ADARB2: variants seen among roughly 807,000 people sequenced by gnomAD.
The protein encoded by ADARB2 is adenosine deaminase RNA specific B2 (inactive).
In ADARB2, 25 loss-of-function variants were observed where a neutral mutation model predicts 62.2. That is an observed-to-expected ratio of 0.40 (90% CI 0.29 to 0.56). The LOEUF (loss-of-function observed/expected upper bound fraction) is 0.56, where lower values mean the gene tolerates loss of function less well. ADARB2 is among the 20% of genes least tolerant of loss of function. The probability of loss-of-function intolerance (pLI) is 0.43; values close to 1 mark genes in which losing one functional copy is unlikely to be tolerated. For missense variants in ADARB2, 1,071 were observed against 1,077.4 expected (o/e 0.99, Z 0.08); for synonymous variants, 572 against 500.8 (o/e 1.14, Z -1.90).
chr10:1,209,608 C>T (rs72761002), intron 7 of ADARB2, among the ~76,000 whole-genome samples: 19,756 of 147,468 alleles, frequency 0.13, 1,561 homozygotes, highest in East Asian at 0.27. Flanking sequence ...CCCATGACCA[C>T]GCCTACACCA....
intron 1 of ADARB2, among the ~76,000 whole-genome samples, chr10:1,401,139 A>G (rs7076054): frequency 0.017 from 2,613 of 152,044 alleles, 75 homozygotes; most frequent in African/African-American, 0.06. Flanking sequence ...AGCCACAAAC[A>G]CCGTCAGGCC....
At chr10:1,275,117 T>A (rs1021367410) in intron 3 of ADARB2, among the ~76,000 whole-genome samples, 1 of 152,198 alleles carries the variant, frequency 6.6e-6, no homozygotes, top group African/African-American at 2.4e-5. Flanking sequence ...GAGGAACAGC[T>A]GGGGTGGAAT....
In ADARB2 at chr10:1,510,096, T is replaced by TTTCTTTCTCTC. The variant is rs1564312412; in HGVS notation, c.101-130937_101-130936insGAGAGAAAGAA. Among the ~76,000 whole-genome samples the TTTCTTTCTCTC allele has an allele frequency of 3.6e-3, 444 of 124,658 alleles. 1 individual carries two copies. The highest frequency in any genetic ancestry group is 0.018 in the Admixed American group (190 of 10,682). 81.8% of individuals were successfully genotyped at this position (124,658 alleles called of 152,430 possible). The stretch of plus-strand genomic sequence containing the variant: ...TTCTTTCTCTTTCTCTCTCTCTCTC[T>TTTCTTTCTCTC]TTTCTTTCTTTCTCTCTTTCTTTCT... On this transcript the variant is annotated intron_variant, in intron 1 of 9. Transcript: ENST00000381312.
In ADARB2 at chr10:1,214,291, G is replaced by T. The variant is rs575214051; in HGVS notation, c.1682+2660C>A. ...TGCCCCTGTGCCTGGACCTTCTGGC[G>T]TTGTGTAGGTTTGCACCTGTACCCA... On this transcript the variant is annotated intron_variant, in intron 7 of 9. Transcript: ENST00000381312. Among the ~76,000 whole-genome samples, 45 of 150,244 alleles carry T rather than the reference G, an allele frequency of 3.0e-4. 1 individual carries two copies. Among genetic ancestry groups the T allele is most frequent in the African/African-American group, 1.1e-3 (44 of 40,848 alleles).
At chr10:1,472,316 C>T (rs1293530793) in intron 1 of ADARB2, among the ~76,000 whole-genome samples, 2 of 152,252 alleles carry the variant, frequency 1.3e-5, no homozygotes. Flanking sequence ...AAGCAGAGAC[C>T]AAGGGCCATG....
At chr10:1,313,669 TAGAG>T (rs994252467) in intron 3 of ADARB2, among the ~76,000 whole-genome samples, 8 of 152,048 alleles carry the variant, frequency 5.3e-5, no homozygotes, top group African/African-American at 1.9e-4. Context: ...TGCCCTTGGT[TAGAG>T]GGAGGGTGGG....
chr10:1,200,238 C>T lies in ADARB2; in HGVS notation c.1683-91G>A, dbSNP rs778120429. On this transcript the variant is annotated intron_variant, in intron 7 of 9. Coordinates refer to ENST00000381312, the MANE Select transcript of ADARB2 (RefSeq NM_018702.4). ...CCGTCTGCGGCCTGGTCCTGAGGACCTGTCAGTCTTCCCATCGTGCGGACC... is the reference window on the plus strand; with the variant it reads ...CCGTCTGCGGCCTGGTCCTGAGGACTTGTCAGTCTTCCCATCGTGCGGACC... 2.0e-6 allele frequency: 3 copies of T among 1,510,248 alleles called. 1 individual carries two copies. The South Asian group carries it at 3.6e-5, about 18-fold the overall frequency. The allele number at this position is 1,510,248 out of a possible 1,614,324, so 93.6% of individuals were successfully genotyped here. A position where few individuals can be genotyped will look rare whatever the true frequency, so the allele number is the denominator to read the frequency against.
intron 1 of ADARB2, among the ~76,000 whole-genome samples, chr10:1,391,519 C>T (rs145392259): frequency 5.8e-4 from 88 of 152,194 alleles, no homozygotes; most frequent in African/African-American, 2.0e-3. Flanking sequence ...AGTTTACCCA[C>T]GATGATTTGA....
chr10:1,536,814 A>G (rs990742485), intron 1 of ADARB2, among the ~76,000 whole-genome samples: 3 of 152,276 alleles, frequency 2.0e-5, no homozygotes, highest in African/African-American at 4.8e-5. Flanking sequence ...AATTAACTTA[A>G]GATGGATTAA....
intron 1 of ADARB2, among the ~76,000 whole-genome samples, chr10:1,488,236 A>AAAAAAAG (rs1831569758): frequency 6.6e-6 from 1 of 150,554 alleles, no homozygotes; most frequent in East Asian, 1.9e-4. Context: ...AAAAAAAAAA[A>AAAAAAAG]GGATGTACAA....
intron 1 of ADARB2, among the ~76,000 whole-genome samples, chr10:1,504,890 T>C (rs1831817609): frequency 6.6e-6 from 1 of 151,990 alleles, no homozygotes; most frequent in South Asian, 2.1e-4. Flanking sequence ...GGGACCCAGG[T>C]TCTAGGAATG....
chr10:1,194,848 C>T (rs1408869356), intron 8 of ADARB2, among the ~76,000 whole-genome samples: 1 of 152,166 alleles, frequency 6.6e-6, no homozygotes, highest in African/African-American at 2.4e-5. Context: ...TCTGAAACTC[C>T]AACTGGAGTG....
chr10:1,687,215 G>A (rs1313879619), intron 1 of ADARB2, among the ~76,000 whole-genome samples: 2 of 151,918 alleles, frequency 1.3e-5, no homozygotes, highest in Non-Finnish European at 2.9e-5. Context: ...TAGCAGAAAC[G>A]GAGTTTCACC....
At chr10:1,435,728 T>C (rs541948734) in intron 1 of ADARB2, among the ~76,000 whole-genome samples, 40 of 152,334 alleles carry the variant, frequency 2.6e-4, no homozygotes, top group African/African-American at 9.1e-4. Context: ...TCCTGTCTTG[T>C]CCCTGGCTGC....
At position 1,473,390 on chromosome 10, in the gene ADARB2, G is replaced by GT. The variant is rs113183121; in HGVS notation, c.101-94231dup. ...GTTGTTGTTGTTGTTGTTTTGTTTT[G>GT]TTTTTTTTTCCTGACAGGGCCTCAC... On this transcript the variant is annotated intron_variant, in intron 1 of 9. Coordinates refer to ENST00000381312, the MANE Select transcript of ADARB2 (RefSeq NM_018702.4). Among the ~76,000 whole-genome samples, 99 of 150,640 alleles carry GT rather than the reference G, an allele frequency of 6.6e-4. 2 individuals are homozygous for GT. The highest frequency in any genetic ancestry group is 2.1e-3 in the South Asian group (10 of 4,732).
At chr10:1,390,145 A>G (rs1291420926) in intron 1 of ADARB2, among the ~76,000 whole-genome samples, 1 of 152,210 alleles carries the variant, frequency 6.6e-6, no homozygotes, top group Non-Finnish European at 1.5e-5. Flanking sequence ...AAATATTAAA[A>G]TTTTACATTA....
chr10:1,306,592 G>A (rs549437611), intron 3 of ADARB2, among the ~76,000 whole-genome samples: 1,871 of 149,256 alleles, frequency 0.013, 39 homozygotes, highest in African/African-American at 0.041. Context: ...AAAAGAGCCC[G>A]CATCGCTAAG....
chr10:1,540,084 T>C (rs1419342026), intron 1 of ADARB2, among the ~76,000 whole-genome samples: 1 of 152,206 alleles, frequency 6.6e-6, no homozygotes, highest in East Asian at 1.9e-4. Context: ...ATCTGAATCG[T>C]GGCAGCTCTG....
At chr10:1,300,268 T>A (rs1055735871) in intron 3 of ADARB2, among the ~76,000 whole-genome samples, 1 of 152,270 alleles carries the variant, frequency 6.6e-6, no homozygotes, top group African/African-American at 2.4e-5. Context: ...TAATGGCATC[T>A]ACAGATGGAT....
Sources: gnomAD v4.1 joint callset for allele counts (sites outside exome capture counted in the v4.1 genomes callset) on GRCh38, gnomAD v4.1.1 for gene constraint, MANE v1.5 for transcripts, NCBI Gene and HGNC (gene_info 2026-07-23, HGNC 2026-07-21) for gene names.